Variants in ZBTB20 observed in about 807,000 individuals in gnomAD.
ZBTB20 encodes the protein zinc finger and BTB domain containing 20, also known as zinc finger and BTB domain-containing protein 20.
Under a neutral mutation model 56.9 loss-of-function variants are expected in ZBTB20, and 9 were observed. The ratio of observed to expected loss-of-function variants is 0.16; its 90% CI spans 0.10 to 0.28. ZBTB20 has a LOEUF of 0.28. Among genes scored for constraint, ZBTB20 ranks in the 10% least tolerant of loss-of-function variants. The probability of loss-of-function intolerance (pLI) is 1.00; values close to 1 mark genes in which losing one functional copy is unlikely to be tolerated. For missense variants in ZBTB20, 655 were observed against 1,003.0 expected (o/e 0.65, Z 4.69); for synonymous variants, 417 against 420.7 (o/e 0.99, Z 0.11).
chr3:114,771,080 A>G (rs186997069), intron 5 of ZBTB20, among the ~76,000 whole-genome samples: 52 of 152,320 alleles, frequency 3.4e-4, no homozygotes, highest in Non-Finnish European at 6.6e-4. Context: ...GACTTCTGTT[A>G]CGCAATTGCA....
chr3:114,716,724 A>G (rs2064505229), intron 5 of ZBTB20, among the ~76,000 whole-genome samples: 1 of 152,132 alleles, frequency 6.6e-6, no homozygotes, highest in South Asian at 2.1e-4. Flanking sequence ...TTTGAAATGC[A>G]ATTTTACTAG....
chr3:114,912,801 C>A (rs1424935260), intron 3 of ZBTB20, among the ~76,000 whole-genome samples: 1 of 152,036 alleles, frequency 6.6e-6, no homozygotes, highest in South Asian at 2.1e-4. Context: ...TCATTCTACT[C>A]TCTATCTCCG....
At chr3:114,717,100 A>G (rs1337176192) in intron 5 of ZBTB20, among the ~76,000 whole-genome samples, 1 of 152,074 alleles carries the variant, frequency 6.6e-6, no homozygotes, top group Admixed American at 6.6e-5. Context: ...TGGTTTTGCC[A>G]GTTACTTACC....
intron 2 of ZBTB20, among the ~76,000 whole-genome samples, chr3:115,021,297 G>T (rs535880519): frequency 4.6e-5 from 7 of 150,840 alleles, no homozygotes; most frequent in Non-Finnish European, 7.4e-5. Flanking sequence ...AACATATGAA[G>T]TTCAGCAGCA....
At chr3:115,085,116 GTCT>G (rs2082937338) in intron 1 of ZBTB20, among the ~76,000 whole-genome samples, 1 of 151,932 alleles carries the variant, frequency 6.6e-6, no homozygotes, top group Admixed American at 6.6e-5. Flanking sequence ...TGTCTAAAAA[GTCT>G]TCTTTGTGAA....
chr3:114,358,207 A>G (rs1391829624), intron 10 of ZBTB20, among the ~76,000 whole-genome samples: 1 of 152,210 alleles, frequency 6.6e-6, no homozygotes, highest in Non-Finnish European at 1.5e-5. Context: ...TGCAAGATCT[A>G]TAGCACTTGT....
chr3:114,847,748 C>T (rs1270532091), intron 4 of ZBTB20, among the ~76,000 whole-genome samples: 1 of 152,142 alleles, frequency 6.6e-6, no homozygotes, highest in Non-Finnish European at 1.5e-5. Flanking sequence ...TCCAACCTTA[C>T]TCCAGCACTT....
At chr3:114,417,976 A>T (rs1275748393) in intron 7 of ZBTB20, among the ~76,000 whole-genome samples, 2 of 152,086 alleles carry the variant, frequency 1.3e-5, no homozygotes, top group Admixed American at 6.6e-5. Flanking sequence ...GATAGAAAAT[A>T]GACAATGCAA....
chr3:114,751,611 C>T (rs1398449798), intron 5 of ZBTB20, among the ~76,000 whole-genome samples: 1 of 152,060 alleles, frequency 6.6e-6, no homozygotes, highest in African/African-American at 2.4e-5. Flanking sequence ...CATTTTCCAT[C>T]ACTGATTGAA....
chr3:114,374,029 A>C (rs1260979186), intron 10 of ZBTB20, among the ~76,000 whole-genome samples: 2 of 152,222 alleles, frequency 1.3e-5, no homozygotes, highest in Non-Finnish European at 2.9e-5. Context: ...AAATTAGAGC[A>C]AATAAAAAAA....
intron 3 of ZBTB20, among the ~76,000 whole-genome samples, chr3:114,934,288 G>A (rs982871500): frequency 2.6e-5 from 4 of 151,988 alleles, no homozygotes; most frequent in South Asian, 2.1e-4. Context: ...ACTTACCTGC[G>A]ACCTCTTCAG....
chr3:114,894,208 C>T (rs1351603055), intron 4 of ZBTB20, among the ~76,000 whole-genome samples: 2 of 152,186 alleles, frequency 1.3e-5, no homozygotes, highest in Non-Finnish European at 2.9e-5. Flanking sequence ...TCCTCTCTGA[C>T]ATTTTGTTTT....
At chr3:114,777,548 C>T (rs1032972928) in intron 5 of ZBTB20, among the ~76,000 whole-genome samples, 1 of 152,116 alleles carries the variant, frequency 6.6e-6, no homozygotes, top group Non-Finnish European at 1.5e-5. Context: ...CAGTGAGATA[C>T]CATCTCACAC....
chr3:114,545,255 C>T (rs950765987), intron 6 of ZBTB20, among the ~76,000 whole-genome samples: 6 of 152,186 alleles, frequency 3.9e-5, no homozygotes, highest in Non-Finnish European at 7.4e-5. Context: ...GCTGCTAGTA[C>T]TTTTAGAGTA....
intron 1 of ZBTB20, among the ~76,000 whole-genome samples, chr3:115,080,745 A>G (rs932354205): frequency 1.3e-5 from 2 of 152,220 alleles, no homozygotes; most frequent in East Asian, 3.8e-4. Context: ...AATTCCTTAT[A>G]ATTTCAATAG....
intron 2 of ZBTB20, among the ~76,000 whole-genome samples, chr3:115,070,982 CTTTTCTGAA>C: frequency 6.7e-6 from 1 of 148,852 alleles, no homozygotes; most frequent in Middle Eastern, 3.4e-3. Flanking sequence ...CTATAGTATC[CTTTTCTGAA>C]AAAAAAAAGA....
intron 1 of ZBTB20, among the ~76,000 whole-genome samples, chr3:115,090,199 G>A (rs990113648): frequency 5.9e-5 from 9 of 151,716 alleles, no homozygotes; most frequent in Non-Finnish European, 1.2e-4. Flanking sequence ...TCTGAAGTAT[G>A]TGGGCCAGCT....
At chr3:114,412,464 C>T (rs531953051) in intron 7 of ZBTB20, among the ~76,000 whole-genome samples, 1 of 152,248 alleles carries the variant, frequency 6.6e-6, no homozygotes, top group Non-Finnish European at 1.5e-5. Flanking sequence ...TCTCCCATCT[C>T]AGTGTGACTG....
chr3:114,813,949 A>G (rs1349998290), intron 4 of ZBTB20, among the ~76,000 whole-genome samples: 1 of 152,160 alleles, frequency 6.6e-6, no homozygotes, highest in Non-Finnish European at 1.5e-5. Context: ...GTCTACATTG[A>G]GGACTACAAA....
Sources: allele counts gnomAD v4.1 joint callset (sites outside exome capture counted in the v4.1 genomes callset), GRCh38; gene constraint gnomAD v4.1.1; transcripts MANE v1.5; gene names NCBI Gene and HGNC (gene_info 2026-07-23, HGNC 2026-07-21).